Variants in OR2AG2 observed in about 807,000 individuals in gnomAD.
OR2AG2 encodes the protein olfactory receptor 2AG2.
For missense variants in OR2AG2, 390 were observed against 391.9 expected (o/e 1.00, Z 0.04); for synonymous variants, 167 against 157.1 (o/e 1.06, Z -0.47).
intron 1 of OR2AG2, among the ~76,000 whole-genome samples, chr11:6,771,358 T>A (rs1847445183): frequency 6.6e-6 from 1 of 152,170 alleles, no homozygotes; most frequent in Non-Finnish European, 1.5e-5. Flanking sequence ...GTAACAAAGG[T>A]AAGTACTGAG....
intron 1 of OR2AG2, among the ~76,000 whole-genome samples, chr11:6,769,767 C>G (rs574503421): frequency 6.6e-6 from 1 of 152,128 alleles, no homozygotes; most frequent in Non-Finnish European, 1.5e-5. Context: ...GCAACACACA[C>G]AAGGTGAGAA....
At chr11:6,770,392 G>C (rs905555839) in intron 1 of OR2AG2, among the ~76,000 whole-genome samples, 14 of 151,476 alleles carry the variant, frequency 9.2e-5, no homozygotes, top group African/African-American at 3.4e-4. Context: ...AAATGGGTCA[G>C]GATATAATTA....
In OR2AG2 at chr11:6,766,634, AT is replaced by A. The variant is rs1256469457; in HGVS notation, c.*1372del. The A allele has an allele frequency of 1.3e-5, 2 of 152,192 alleles. No homozygotes were observed. Among genetic ancestry groups the A allele is most frequent in the African/African-American group, 4.8e-5 (2 of 41,454 alleles). 9.4% of individuals were successfully genotyped at this position (152,192 alleles called of 1,614,324 possible). ...AATAATAACACCTATGTAAGCCAAGATATTTTGGGAATTCTGCATTCAACAA... is the reference window on the plus strand; with the variant it reads ...AATAATAACACCTATGTAAGCCAAGAATTTTGGGAATTCTGCATTCAACAA... On this transcript the variant is annotated 3_prime_UTR_variant, in exon 2 of 2. Transcript: ENST00000641124.
In OR2AG2 at chr11:6,768,531, T is replaced by A. The variant is rs779658090; in HGVS notation, c.427A>T (p.Ile143Phe). The A allele has an allele frequency of 6.2e-7, 1 of 1,614,036 alleles. No homozygotes were observed. The highest frequency in any genetic ancestry group is 1.1e-5 in the South Asian group (1 of 91,080). ...AGGATCCAGGATGTGGCCACCATGA[T>A]CCAGCAGACTCTTGGGCTCATGAGG... is the stretch of plus-strand genomic sequence containing the variant. Reference protein sequence around the residue: ...MTLMSPRVCWIMVATSWILAS... With the variant: ...MTLMSPRVCWFMVATSWILAS... The change falls in exon 2 of 2, where the codon ATC becomes TTC. Residue 143 changes from isoleucine to phenylalanine, a missense_variant. By Grantham distance (21) the Ile-to-Phe change is conservative. Coordinates refer to ENST00000641124, the MANE Select transcript of OR2AG2 (RefSeq NM_001004490.2).
intron 1 of OR2AG2, among the ~76,000 whole-genome samples, chr11:6,770,650 A>T (rs1368569902): frequency 2.0e-5 from 3 of 152,248 alleles, no homozygotes; most frequent in Non-Finnish European, 4.4e-5. Flanking sequence ...TCTGTTGACA[A>T]CAAAAACACA....
At position 6,766,912 on chromosome 11, in the gene OR2AG2, A is replaced by G. The variant is rs1401850576; in HGVS notation, c.*1095T>C. ...ACAATATTCCCAACAAATTTCTCTC[A>G]TTGTTATTGTACTCACTTTAAAACT... On this transcript the variant is annotated 3_prime_UTR_variant, in exon 2 of 2. Coordinates refer to ENST00000641124, the MANE Select transcript of OR2AG2 (RefSeq NM_001004490.2). 1 of 152,152 alleles carries G rather than the reference A, an allele frequency of 6.6e-6. No individual in the cohort carries two copies. The highest frequency in any genetic ancestry group is 1.5e-5 in the Non-Finnish European group (1 of 68,016). The allele number at this position is 152,152 out of a possible 1,614,324, so 9.4% of individuals were successfully genotyped here. A position where few individuals can be genotyped will look rare whatever the true frequency, so the allele number is the denominator to read the frequency against.
rs1346822405 is a variant in OR2AG2, at chr11:6,768,249, C to T, written c.709G>A (p.Ala237Thr). ...AGGTGGGAAGAGCAGGTGACAAGGGCTTTCTTCCTCCCCTCATTTGATGGC... is the reference window on the plus strand; with the variant it reads ...AGGTGGGAAGAGCAGGTGACAAGGGTTTTCTTCCTCCCCTCATTTGATGGC... ...RMPSNEGRKK[A>T]LVTCSSHLIV... Residue 237 changes from alanine (A) to threonine (T), a missense_variant, in exon 2 of 2, where the codon GCC becomes ACC. Ala to Thr is a moderately conservative substitution (Grantham distance 58). Coordinates refer to ENST00000641124, the MANE Select transcript of OR2AG2 (RefSeq NM_001004490.2). 1.5e-5 allele frequency: 25 copies of T among 1,614,148 alleles called. No individual in the cohort carries two copies. The highest frequency in any genetic ancestry group is 2.1e-5 in the Non-Finnish European group (25 of 1,180,018).
At position 6,768,668 on chromosome 11, in the gene OR2AG2, C is replaced by T. The variant is rs139056442; in HGVS notation, c.290G>A (p.Cys97Tyr). 2.2e-4 allele frequency: 354 copies of T among 1,614,050 alleles called. 1 individual carries two copies. The highest frequency in any genetic ancestry group is 2.5e-4 in the Non-Finnish European group (292 of 1,180,032). ...CAGTGCCAGGAACATCTGAAGTGCA[C>T]AGCCTCCAAAGGAGATAGTGTTTTC... ...RRENTISFGG[C>Y]ALQMFLALTM... Residue 97 changes from cysteine (C) to tyrosine (Y), a missense_variant, in exon 2 of 2, where the codon TGT (cysteine) becomes TAT (tyrosine). By Grantham distance (194) the Cys-to-Tyr change is radical (BLOSUM62 -2). Transcript: ENST00000641124.
In OR2AG2 at chr11:6,768,793, G is replaced by T. The variant is rs949625868; in HGVS notation, c.165C>A (p.Leu55=). ...CAAGCAGGAGGTACATGGGCATGTG[G>T]AGCCGGGCTTCTATGGTGATGGCCA... ...LLLAITIEAR[L]HMPMYLLLGQ... The change falls in exon 2 of 2, where the codon CTC becomes CTA. Residue 55 remains leucine (L), a synonymous_variant. Coordinates refer to ENST00000641124, the MANE Select transcript of OR2AG2 (RefSeq NM_001004490.2). 1 of 1,613,996 alleles carries T rather than the reference G, an allele frequency of 6.2e-7. No individual in the cohort carries two copies.
chr11:6,770,827 G>A (rs11041009), intron 1 of OR2AG2, among the ~76,000 whole-genome samples: 34,224 of 152,134 alleles, frequency 0.22, 4,030 homozygotes, highest in South Asian at 0.4. Flanking sequence ...GGATTTCAAA[G>A]AGAAGAAAAA....
Position 6,768,312 on chromosome 11 carries a change from C to T in OR2AG2, c.646G>A (p.Ala216Thr). 2 of 1,613,970 alleles carry T rather than the reference C, an allele frequency of 1.2e-6. No individual in the cohort carries two copies. Among genetic ancestry groups the T allele is most frequent in the Non-Finnish European group, 1.7e-6 (2 of 1,179,994 alleles). ...FLLLPISAIV[A>T]SYTLVLFTVL... The stretch of plus-strand genomic sequence containing the variant: ...GTGAATAGGACTAGTGTGTAGGAGG[C>T]CACAATGGCAGAAATGGGGAGCAAG... The change falls in exon 2 of 2, where the codon GCC becomes ACC. Residue 216 changes from alanine to threonine, a missense_variant. Transcript: ENST00000641124.
rs1365209857 is a variant in OR2AG2, at chr11:6,768,510, T to C, written c.448A>G (p.Ile150Val). The change falls in exon 2 of 2, where the codon ATC becomes GTC. Residue 150 changes from isoleucine to valine, a missense_variant. Physicochemically the swap from Ile to Val is conservative, Grantham distance 29 (BLOSUM62 3). Coordinates refer to ENST00000641124, the MANE Select transcript of OR2AG2 (RefSeq NM_001004490.2). Reference protein sequence around the residue: ...VCWIMVATSWILASLIAIGHT... With the variant: ...VCWIMVATSWVLASLIAIGHT... Reference sequence around the variant, plus strand: ...CCTATAGCAATCAGGGATGCCAGGATCCAGGATGTGGCCACCATGATCCAG... The same window carrying C: ...CCTATAGCAATCAGGGATGCCAGGACCCAGGATGTGGCCACCATGATCCAG... 1 of 1,614,070 alleles carries C rather than the reference T, an allele frequency of 6.2e-7. No individual in the cohort carries two copies. Among genetic ancestry groups the C allele is most frequent in the Non-Finnish European group, 8.5e-7 (1 of 1,180,004 alleles).
At chr11:6,771,069 T>C (rs1206674149) in intron 1 of OR2AG2, among the ~76,000 whole-genome samples, 1 of 152,232 alleles carries the variant, frequency 6.6e-6, no homozygotes, top group Non-Finnish European at 1.5e-5. Flanking sequence ...CAGAGGCTGA[T>C]ATTAAGAGGC....
Position 6,768,783 on chromosome 11 carries a change from T to C in OR2AG2, c.175A>G (p.Met59Val). Residue 59 changes from methionine (M) to valine (V), a missense_variant, in exon 2 of 2, where the codon ATG (methionine) becomes GTG (valine). Met to Val is a conservative substitution (Grantham distance 21, BLOSUM62 1). Coordinates refer to ENST00000641124, the MANE Select transcript of OR2AG2 (RefSeq NM_001004490.2). Reference protein sequence around the residue: ...ITIEARLHMPMYLLLGQLSLM... With the variant: ...ITIEARLHMPVYLLLGQLSLM... ...GAGAGCTGCCCAAGCAGGAGGTACA[T>C]GGGCATGTGGAGCCGGGCTTCTATG... 1 of 1,614,054 alleles carries C rather than the reference T, an allele frequency of 6.2e-7. No individual in the cohort carries two copies. Among genetic ancestry groups the C allele is most frequent in the Non-Finnish European group, 8.5e-7 (1 of 1,179,994 alleles).
rs1311930533 is a variant in OR2AG2 at position 6,771,976 on chromosome 11, T to C, written c.-892A>G. ...TATATTCCCCTCATGCTGTGTTTCA[T>C]GATAAAAGAGGAGCACAGCAGGAAT... On this transcript the variant is annotated 5_prime_UTR_variant, in exon 1 of 2. The change abolishes an upstream ATG in the 5' untranslated region. Coordinates refer to ENST00000641124, the MANE Select transcript of OR2AG2 (RefSeq NM_001004490.2). The C allele has an allele frequency of 1.3e-5, 2 of 152,150 alleles. No homozygotes were observed. The highest frequency in any genetic ancestry group is 6.5e-5 in the Admixed American group (1 of 15,276). The allele number at this position is 152,150 out of a possible 1,614,324, so 9.4% of individuals were successfully genotyped here. A position where few individuals can be genotyped will look rare whatever the true frequency, so the allele number is the denominator to read the frequency against.
intron 1 of OR2AG2, 99 bp downstream of exon 1, chr11:6,771,523 C>T (rs1189687314): frequency 6.6e-6 from 1 of 152,234 alleles, no homozygotes; most frequent in Non-Finnish European, 1.5e-5. Context: ...GCCTGAGGAA[C>T]TAGAGAATCT....
Position 6,768,614 on chromosome 11 carries a change from A to C in OR2AG2, c.344T>G (p.Leu115Arg). Residue 115 changes from leucine to arginine, a missense_variant, in exon 2 of 2, where the codon CTG becomes CGG. By Grantham distance (102) the Leu-to-Arg change is moderately radical. Coordinates refer to ENST00000641124, the MANE Select transcript of OR2AG2 (RefSeq NM_001004490.2). ...ATACCTGTCATAGGCCATGAAGGCC[A>C]GTAGGAGGTCCTCAGCGCTACCCAT... ...LTMGSAEDLL[L>R]AFMAYDRYVA... The C allele has an allele frequency of 6.2e-7, 1 of 1,614,218 alleles. No individual in the cohort carries two copies. The highest frequency in any genetic ancestry group is 8.5e-7 in the Non-Finnish European group (1 of 1,180,022).
Position 6,767,943 on chromosome 11 carries a change from G to T in OR2AG2, c.*64C>A. ...TGAGTAGAGAATTTTATTTGGAGCA[G>T]GAATGAGTGAGTAGAGAATTTTATC... On this transcript the variant is annotated 3_prime_UTR_variant, in exon 2 of 2. Coordinates refer to ENST00000641124, the MANE Select transcript of OR2AG2 (RefSeq NM_001004490.2). The T allele has an allele frequency of 7.5e-7, 1 of 1,333,006 alleles. No individual in the cohort carries two copies. The highest frequency in any genetic ancestry group is 1.0e-6 in the Non-Finnish European group (1 of 959,870). The allele number at this position is 1,333,006 out of a possible 1,614,324, so 82.6% of individuals were successfully genotyped here.
At position 6,770,401 on chromosome 11, in the gene OR2AG2, T is replaced by TA. The variant is rs367958540; in HGVS notation, c.-537-908dup. 4.1e-3 allele frequency among the ~76,000 whole-genome samples: 580 copies of TA among 143,026 alleles called. 3 individuals carry two copies. The highest frequency in any genetic ancestry group is 0.012 in the African/African-American group (454 of 39,160). The allele number at this position is 143,026 out of a possible 152,430, so 93.8% of individuals were successfully genotyped here. The stretch of plus-strand genomic sequence containing the variant: ...AAATCAAAATGGGTCAGGATATAAT[T>TA]AAAAAAAAAAAAGTGAGGGATGGTA... On this transcript the variant is annotated intron_variant, in intron 1 of 1. Transcript: ENST00000641124.
Sources: gnomAD v4.1 joint callset for allele counts (sites outside exome capture counted in the v4.1 genomes callset) on GRCh38, gnomAD v4.1.1 for gene constraint, MANE v1.5 for transcripts, NCBI Gene and HGNC (gene_info 2026-07-23, HGNC 2026-07-21) for gene names.